ALG6: variants seen among roughly 807,000 people sequenced by gnomAD.
ALG6 encodes dolichyl pyrophosphate Man9GlcNAc2 alpha-1,3-glucosyltransferase.
In ALG6, 46 loss-of-function variants were observed where a neutral mutation model predicts 66.6. That is an observed-to-expected ratio of 0.69 (90% CI 0.55 to 0.88). The LOEUF is 0.88. ALG6 is among the 40% of genes least tolerant of loss of function. The pLI, the probability that ALG6 is intolerant of heterozygous loss-of-function variation, is 0.00. For synonymous variants in ALG6, 185 were observed against 203.7 expected, an observed-to-expected ratio of 0.91 and a Z score of 0.78; for missense variants, 505 against 586.8, an observed-to-expected ratio of 0.86 and a Z score of 1.44.
chr1:63,387,559 T>TTTTTTTA (rs1648540143), intron 2 of ALG6, among the ~76,000 whole-genome samples: 2 of 135,856 alleles, frequency 1.5e-5, no homozygotes, highest in African/African-American at 6.2e-5. Context: ...TTTTTTTTTT[T>TTTTTTTA]GAGACAGAGT....
At chr1:63,401,826 C>CT (rs2100412327) in intron 3 of ALG6, among the ~76,000 whole-genome samples, 1 of 152,162 alleles carries the variant, frequency 6.6e-6, no homozygotes, top group East Asian at 1.9e-4. Context: ...TTTAACTTAA[C>CT]TTTTAGTTCT....
At chr1:63,387,532 CTTTTTTTTTTTT>C (rs760731397) in intron 2 of ALG6, among the ~76,000 whole-genome samples, 9 of 59,494 alleles carry the variant, frequency 1.5e-4, no homozygotes, top group Admixed American at 2.7e-4. Context: ...TTGTCTTTCT[CTTTTTTTTTTTT>C]TTTTTTTTTT....
At chr1:63,375,125 C>CG (rs1557578798) in intron 2 of ALG6, among the ~76,000 whole-genome samples, 1 of 151,984 alleles carries the variant, frequency 6.6e-6, no homozygotes, top group African/African-American at 2.4e-5. Flanking sequence ...TGCTTGAACC[C>CG]GGGAGGCGGA....
At chr1:63,429,430 C>A in intron 14 of ALG6, 1 of 275,634 alleles carries the variant, frequency 3.6e-6, no homozygotes, top group South Asian at 5.1e-5. Flanking sequence ...TTAGATTTGC[C>A]TACTTTGGAC....
At chr1:63,407,403 G>A (rs1644494175) in intron 7 of ALG6, among the ~76,000 whole-genome samples, 1 of 151,976 alleles carries the variant, frequency 6.6e-6, no homozygotes, top group African/African-American at 2.4e-5. Flanking sequence ...AGAGTGCCAA[G>A]TATGGTTATA....
intron 6 of ALG6, 44 bp downstream of exon 6, chr1:63,406,443 C>A (rs771922641): frequency 1.3e-6 from 2 of 1,496,172 alleles, no homozygotes; most frequent in Non-Finnish European, 1.9e-6. Flanking sequence ...GAAATGTATT[C>A]TTTATTAGTC....
intron 2 of ALG6, among the ~76,000 whole-genome samples, chr1:63,392,356 A>G (rs1648697042): frequency 6.6e-6 from 1 of 152,016 alleles, no homozygotes; most frequent in South Asian, 2.1e-4. Context: ...TTTTTAGTAG[A>G]GACGGGGTTT....
At chr1:63,376,468 T>C (rs1289344079) in intron 2 of ALG6, among the ~76,000 whole-genome samples, 2 of 152,216 alleles carry the variant, frequency 1.3e-5, no homozygotes, top group Non-Finnish European at 2.9e-5. Context: ...TTGGATGCTT[T>C]AGCTCTTAAG....
chr1:63,427,290 G>C (rs1285918341), intron 12 of ALG6, among the ~76,000 whole-genome samples: 1 of 151,578 alleles, frequency 6.6e-6, no homozygotes, highest in Non-Finnish European at 1.5e-5. Context: ...TGCGATTACA[G>C]GTGTGAGCCA....
At chr1:63,413,923 A>G (rs777226175) in intron 9 of ALG6, 138 bp from the exon 10 acceptor site, 6 of 644,464 alleles carry the variant, frequency 9.3e-6, no homozygotes, top group Non-Finnish European at 1.6e-5. Context: ...TTCCTGGAGG[A>G]TTTAATCTAT....
chr1:63,435,439 G>A (rs1557599538), intron 14 of ALG6, among the ~76,000 whole-genome samples: 2 of 151,944 alleles, frequency 1.3e-5, no homozygotes, highest in South Asian at 2.1e-4. Context: ...GCCTATCCTC[G>A]CTTTTCCATT....
In ALG6 at chr1:63,430,031, C is replaced by T. The variant is rs556251709; in HGVS notation, c.1326+905C>T. On this transcript the variant is annotated intron_variant, in intron 14 of 14. Transcript: ENST00000263440. ...CCTAGTAGCTGGAACTACAGGCATG[C>T]GCCACCATGCCCAGCTAAATTTTGT... Among the ~76,000 whole-genome samples, 279 of 152,132 alleles carry T rather than the reference C, an allele frequency of 1.8e-3. 1 individual carries two copies. Among genetic ancestry groups the T allele is most frequent in the African/African-American group, 6.5e-3 (271 of 41,500 alleles).
rs1557578257 is a variant in ALG6 at position 63,373,657 on chromosome 1, C to CTTT, written c.82+2598_82+2599insTTT. On this transcript the variant is annotated intron_variant, in intron 2 of 14. Coordinates refer to ENST00000263440, the MANE Select transcript of ALG6 (RefSeq NM_013339.4). ...TTATTTTTCAATTTAATTTAATTTACATTTTTTTTTTTTTTTTTTTTGAGA... is the reference window on the plus strand; with the variant it reads ...TTATTTTTCAATTTAATTTAATTTACTTTATTTTTTTTTTTTTTTTTTTTGAGA... 1.7e-4 allele frequency among the ~76,000 whole-genome samples: 20 copies of CTTT among 114,804 alleles called. 3 individuals are homozygous for CTTT. Among genetic ancestry groups the CTTT allele is most frequent in the Non-Finnish European group, 2.0e-4 (11 of 55,364 alleles). 75.3% of individuals were successfully genotyped at this position (114,804 alleles called of 152,430 possible). A position where few individuals can be genotyped will look rare whatever the true frequency, so the allele number is the denominator to read the frequency against.
chr1:63,387,312 G>A (rs922581736), intron 2 of ALG6, among the ~76,000 whole-genome samples: 5 of 152,094 alleles, frequency 3.3e-5, no homozygotes, highest in Non-Finnish European at 7.4e-5. Context: ...TGCAGATTAA[G>A]TCTGATGTTT....
rs376611585 is a variant in ALG6 at position 63,404,449 on chromosome 1, G to C, written c.258-4G>C. The C allele has an allele frequency of 2.5e-6, 4 of 1,612,312 alleles. No individual in the cohort carries two copies. In the African/African-American group the frequency reaches 5.3e-5, roughly 22 times the overall value. The stretch of plus-strand genomic sequence containing the variant: ...AGTATCTGTATATATGCTTTGATTT[G>C]CAGGGCAAAGTTTATAAATCCAGAC... On this transcript the variant is annotated splice_polypyrimidine_tract_variant and splice_region_variant and intron_variant, in intron 4 of 14. Transcript: ENST00000263440.
intron 3 of ALG6, among the ~76,000 whole-genome samples, chr1:63,400,282 CGT>C (rs1491569055): frequency 0.56 from 6,963 of 12,540 alleles, 2,539 homozygotes; most frequent in Admixed American, 0.69. Flanking sequence ...TATATATATA[CGT>C]ATATATATAT....
chr1:63,393,917 T>G (rs1430391241), intron 2 of ALG6, among the ~76,000 whole-genome samples: 2 of 152,110 alleles, frequency 1.3e-5, no homozygotes, highest in Non-Finnish European at 2.9e-5. Context: ...TTAAGTTTCT[T>G]TCTGAGAGAT....
chr1:63,375,018 T>C (rs1278532629), intron 2 of ALG6, among the ~76,000 whole-genome samples: 1 of 152,084 alleles, frequency 6.6e-6, no homozygotes, highest in African/African-American at 2.4e-5. Context: ...CAGACCAGCC[T>C]AGCCAACATG....
At chr1:63,382,645 TTTTTTGTTTG>T (rs560658358) in intron 2 of ALG6, among the ~76,000 whole-genome samples, 27,424 of 69,028 alleles carry the variant, frequency 0.4, 3,018 homozygotes, top group East Asian at 0.54. Context: ...GGCTAAGTTT[TTTTTTGTTTG>T]TTTTTTTTTG....
Sources: allele counts gnomAD v4.1 joint callset (sites outside exome capture counted in the v4.1 genomes callset), GRCh38; gene constraint gnomAD v4.1.1; transcripts MANE v1.5; gene names NCBI Gene and HGNC (gene_info 2026-07-23, HGNC 2026-07-21).